Variants in GRIK1 observed in about 807,000 individuals in gnomAD.
GRIK1 encodes the protein glutamate ionotropic receptor kainate type subunit 1, also known as glutamate receptor ionotropic, kainate 1.
Under a neutral mutation model 105.7 loss-of-function variants are expected in GRIK1, and 69 were observed. That is an observed-to-expected ratio of 0.65 (90% confidence interval 0.54 to 0.80). The LOEUF (loss-of-function observed/expected upper bound fraction) is 0.80. Ranked by LOEUF, GRIK1 falls within the 30% of genes least tolerant of loss-of-function variation. The pLI is 0.00. For missense variants in GRIK1, 1,109 were observed against 1,167.3 expected (o/e 0.95, Z 0.73); for synonymous variants, 438 against 431.3 (o/e 1.02, Z -0.19).
intron 1 of GRIK1, among the ~76,000 whole-genome samples, chr21:29,893,346 A>G (rs1016741311): frequency 1.3e-5 from 2 of 152,198 alleles, no homozygotes; most frequent in Non-Finnish European, 2.9e-5. Flanking sequence ...TAGTTATTAT[A>G]CTATGAATAA....
At chr21:29,575,169 T>C (rs2090859779) in intron 14 of GRIK1, among the ~76,000 whole-genome samples, 1 of 152,252 alleles carries the variant, frequency 6.6e-6, no homozygotes, top group Admixed American at 6.5e-5. Flanking sequence ...TAACTTATTG[T>C]ATAGTTAATT....
At chr21:29,636,978 T>A (rs907850660) in intron 7 of GRIK1, among the ~76,000 whole-genome samples, 2 of 152,208 alleles carry the variant, frequency 1.3e-5, no homozygotes, top group African/African-American at 4.8e-5. Flanking sequence ...ATGCTTCATT[T>A]ATACATTTGC....
At chr21:29,592,907 C>T (rs1167848198) in intron 9 of GRIK1, among the ~76,000 whole-genome samples, 1 of 152,166 alleles carries the variant, frequency 6.6e-6, no homozygotes, top group African/African-American at 2.4e-5. Flanking sequence ...CTGAGATGGA[C>T]AGGGTGGAGC....
chr21:29,676,056 C>T (rs942118440), intron 3 of GRIK1, among the ~76,000 whole-genome samples: 2 of 152,152 alleles, frequency 1.3e-5, no homozygotes, highest in African/African-American at 4.8e-5. Flanking sequence ...ACACACACCC[C>T]CAAATATGAC....
At chr21:29,839,956 A>T (rs149727862) in intron 1 of GRIK1, among the ~76,000 whole-genome samples, 1 of 152,312 alleles carries the variant, frequency 6.6e-6, no homozygotes, top group African/African-American at 2.4e-5. Context: ...AATGACGGCA[A>T]ATTGGTGGAA....
intron 7 of GRIK1, among the ~76,000 whole-genome samples, chr21:29,620,810 T>G (rs139001797): frequency 0.079 from 9,023 of 114,768 alleles, 455 homozygotes; most frequent in African/African-American, 0.2. Flanking sequence ...TATATAGATA[T>G]ATATATATAG....
At chr21:29,826,731 CAT>C (rs2067469652) in intron 1 of GRIK1, among the ~76,000 whole-genome samples, 1 of 151,906 alleles carries the variant, frequency 6.6e-6, no homozygotes, top group Non-Finnish European at 1.5e-5. Context: ...TTCACATACA[CAT>C]ATGTATATGG....
intron 1 of GRIK1, among the ~76,000 whole-genome samples, chr21:29,850,990 G>A (rs1332145241): frequency 6.6e-6 from 1 of 151,782 alleles, no homozygotes; most frequent in African/African-American, 2.4e-5. Context: ...CTGTCAGTCT[G>A]TACAAACTCT....
intron 7 of GRIK1, among the ~76,000 whole-genome samples, chr21:29,618,962 C>G (rs1018742071): frequency 6.6e-6 from 1 of 150,546 alleles, no homozygotes; most frequent in Non-Finnish European, 1.5e-5. Flanking sequence ...CCCGTCTCTA[C>G]TAAAAATACA....
intron 7 of GRIK1, among the ~76,000 whole-genome samples, chr21:29,604,431 T>C (rs2061575312): frequency 6.6e-6 from 1 of 152,204 alleles, no homozygotes; most frequent in South Asian, 2.1e-4. Flanking sequence ...TGTTCTTTGT[T>C]TTTCTGCAAA....
intron 1 of GRIK1, among the ~76,000 whole-genome samples, chr21:29,779,345 TGTGTGTGTGTGTGTGTGCAC>T (rs1327981087): frequency 1.3e-5 from 2 of 151,086 alleles, no homozygotes; most frequent in Non-Finnish European, 3.0e-5. Flanking sequence ...AGTGTGTGTG[TGTGTGTGTGTGTGTGTGCAC>T]GTGTGTGTGT....
At chr21:29,675,280 G>T (rs745670433) in intron 3 of GRIK1, among the ~76,000 whole-genome samples, 2 of 152,110 alleles carry the variant, frequency 1.3e-5, no homozygotes, top group Non-Finnish European at 2.9e-5. Flanking sequence ...CTTAGGACTT[G>T]TTGATGAGAT....
At chr21:29,901,807 T>C (rs2070420187) in intron 1 of GRIK1, among the ~76,000 whole-genome samples, 1 of 152,128 alleles carries the variant, frequency 6.6e-6, no homozygotes, top group Non-Finnish European at 1.5e-5. Context: ...GAGGCCAGCA[T>C]CATTCTGATA....
intron 1 of GRIK1, among the ~76,000 whole-genome samples, chr21:29,767,173 A>G (rs931174992): frequency 3.9e-5 from 6 of 152,210 alleles, no homozygotes; most frequent in African/African-American, 1.4e-4. Flanking sequence ...AAAATCACAA[A>G]ACCACTGAAT....
At chr21:29,743,708 T>C (rs1438773199) in intron 1 of GRIK1, among the ~76,000 whole-genome samples, 1 of 151,860 alleles carries the variant, frequency 6.6e-6, no homozygotes, top group African/African-American at 2.4e-5. Flanking sequence ...AAAAAATATA[T>C]ATATAAAAGA....
At chr21:29,717,156 TG>T (rs1601521999) in intron 1 of GRIK1, among the ~76,000 whole-genome samples, 1 of 152,290 alleles carries the variant, frequency 6.6e-6, no homozygotes, top group East Asian at 1.9e-4. Flanking sequence ...TTTCAGAGGA[TG>T]TATGAAAATG....
chr21:29,655,354 G>C (rs575117831), intron 4 of GRIK1, among the ~76,000 whole-genome samples: 7 of 152,034 alleles, frequency 4.6e-5, no homozygotes, highest in African/African-American at 1.2e-4. Context: ...GTTGCAGTGA[G>C]CCCAGACTGT....
At chr21:29,818,944 T>C (rs1244820660) in intron 1 of GRIK1, among the ~76,000 whole-genome samples, 2 of 152,022 alleles carry the variant, frequency 1.3e-5, no homozygotes, top group African/African-American at 4.8e-5. Context: ...TGTCAGCAAG[T>C]AGAAAAGCTA....
chr21:29,898,346 A>G (rs533038356), intron 1 of GRIK1, among the ~76,000 whole-genome samples: 27 of 152,262 alleles, frequency 1.8e-4, no homozygotes, highest in Admixed American at 1.6e-3. Context: ...CCCTCCTAAC[A>G]TTGTGGGTGA....
Sources: gnomAD v4.1 joint callset for allele counts (sites outside exome capture counted in the v4.1 genomes callset) on GRCh38, gnomAD v4.1.1 for gene constraint, MANE v1.5 for transcripts, NCBI Gene and HGNC (gene_info 2026-07-23, HGNC 2026-07-21) for gene names.